CRTAC1: variants seen among roughly 807,000 people sequenced by gnomAD.
The protein encoded by CRTAC1 is acidic secreted protein in cartilage.
Under a neutral mutation model 67.8 loss-of-function variants are expected in CRTAC1, and 37 were observed. The ratio of observed to expected loss-of-function variants is 0.55; its 90% CI spans 0.42 to 0.72. The LOEUF is 0.72. CRTAC1 is among the 30% of genes least tolerant of loss of function. The pLI is 0.00. For synonymous variants in CRTAC1, 348 were observed against 371.0 expected, an observed-to-expected ratio of 0.94 and a Z score of 0.71; for missense variants, 780 against 931.6, an observed-to-expected ratio of 0.84 and a Z score of 2.12.
At chr10:97,937,315 C>T (rs1178160022) in intron 2 of CRTAC1, among the ~76,000 whole-genome samples, 10 of 152,216 alleles carry the variant, frequency 6.6e-5, no homozygotes, top group Non-Finnish European at 5.9e-5. Context: ...ACCTTTGCTC[C>T]CCTGTTCCTT....
chr10:97,867,173 G>A (rs2050037398), intron 14 of CRTAC1: 1 of 152,268 alleles, frequency 6.6e-6, no homozygotes, highest in East Asian at 1.9e-4. Flanking sequence ...AGGCTTTGTA[G>A]GTGAGGTTTC....
At chr10:98,015,185 C>T (rs117055689) in intron 1 of CRTAC1, among the ~76,000 whole-genome samples, 3 of 152,160 alleles carry the variant, frequency 2.0e-5, no homozygotes, top group Admixed American at 2.0e-4. Context: ...GAAAGAAATT[C>T]GGACACAGAG....
chr10:97,950,242 C>G (rs867230491), intron 2 of CRTAC1, among the ~76,000 whole-genome samples: 12,149 of 116,446 alleles, frequency 0.1, 556 homozygotes, highest in Middle Eastern at 0.15. Context: ...TGCACACACA[C>G]ACACAGAGAG....
At chr10:97,947,489 T>C (rs2051283827) in intron 2 of CRTAC1, among the ~76,000 whole-genome samples, 1 of 152,216 alleles carries the variant, frequency 6.6e-6, no homozygotes, top group South Asian at 2.1e-4. Context: ...GTTTAGGGAA[T>C]ACGGGGTAGA....
rs1279101257 is a variant in CRTAC1, at chr10:97,975,524, C to A, written c.224+35614G>T. On this transcript the variant is annotated intron_variant, in intron 2 of 14. Coordinates refer to ENST00000370597, the MANE Select transcript of CRTAC1 (RefSeq NM_018058.7). This position sits in a 1 kb window ranked among gnomAD's most constrained non-coding sequence, Gnocchi z 4.8. ...GCATCCAAGAGCAGAAAGAGGATTA[C>A]CCTGTCGGCATTTTGGCCCAGTCGG... 2.6e-5 allele frequency among the ~76,000 whole-genome samples: 4 copies of A among 152,178 alleles called. No homozygotes were observed. Among genetic ancestry groups the A allele is most frequent in the African/African-American group, 4.8e-5 (2 of 41,454 alleles).
chr10:98,010,465 T>G (rs535250616), intron 2 of CRTAC1, among the ~76,000 whole-genome samples: 1 of 152,176 alleles, frequency 6.6e-6, no homozygotes, highest in South Asian at 2.1e-4. Flanking sequence ...AGATGATATC[T>G]CTGAATGTCA....
At chr10:97,939,953 G>T (rs1213703780) in intron 2 of CRTAC1, among the ~76,000 whole-genome samples, 1 of 152,200 alleles carries the variant, frequency 6.6e-6, no homozygotes, top group African/African-American at 2.4e-5. Context: ...TGCTTCTTGA[G>T]CTCAGGAAGC....
chr10:98,002,761 C>CTGTTTTTTTTTTTT (rs771351655), intron 2 of CRTAC1, among the ~76,000 whole-genome samples: 8 of 37,296 alleles, frequency 2.1e-4, no homozygotes, highest in East Asian at 7.5e-4. Flanking sequence ...ACAAAACTCA[C>CTGTTTTTTTTTTTT]TTTTTTTTTT....
At chr10:97,974,373 G>A (rs567700176) in intron 2 of CRTAC1, among the ~76,000 whole-genome samples, 1 of 152,152 alleles carries the variant, frequency 6.6e-6, no homozygotes, top group Non-Finnish European at 1.5e-5. Context: ...CGAAGTCTGA[G>A]GTTCACGTGC....
chr10:97,914,045 A>G (rs760595722), intron 5 of CRTAC1, among the ~76,000 whole-genome samples: 12 of 152,324 alleles, frequency 7.9e-5, no homozygotes, highest in Non-Finnish European at 1.3e-4. Context: ...GGCTTCTTTA[A>G]TCACCACCTT....
chr10:97,985,606 G>A (rs1465329803), intron 2 of CRTAC1, among the ~76,000 whole-genome samples: 1 of 152,112 alleles, frequency 6.6e-6, no homozygotes, highest in Non-Finnish European at 1.5e-5. Context: ...GATGAGCCGG[G>A]GCATGCATGA....
chr10:97,919,473 T>C (rs1455050825), intron 4 of CRTAC1, among the ~76,000 whole-genome samples: 1 of 152,048 alleles, frequency 6.6e-6, no homozygotes, highest in Non-Finnish European at 1.5e-5. Context: ...AGGCAGAGAG[T>C]GTCAAGGGAT....
chr10:97,904,824 A>G lies in CRTAC1; in HGVS notation c.851-10T>C. The G allele has an allele frequency of 6.3e-7, 1 of 1,589,786 alleles. No individual in the cohort carries two copies. Among genetic ancestry groups the G allele is most frequent in the Non-Finnish European group, 8.5e-7 (1 of 1,170,842 alleles). Reference sequence around the variant, plus strand: ...TGGGGGTCGTCCACACCTGGGGAGGAGAGGCAGGAACTCTCAGGGCGGCAT... The same window carrying G: ...TGGGGGTCGTCCACACCTGGGGAGGGGAGGCAGGAACTCTCAGGGCGGCAT... On this transcript the variant is annotated splice_polypyrimidine_tract_variant and intron_variant, in intron 6 of 14. Transcript: ENST00000370597.
chr10:97,935,570 G>A (rs183132264), intron 3 of CRTAC1, among the ~76,000 whole-genome samples: 81 of 152,202 alleles, frequency 5.3e-4, no homozygotes, highest in African/African-American at 1.8e-3. Flanking sequence ...ACTTCAGTTC[G>A]GGAAGCTCCT....
Position 97,896,896 on chromosome 10 carries a change from A to T in CRTAC1, c.1216+13T>A, listed in dbSNP as rs773958238. On this transcript the variant is annotated intron_variant, in intron 9 of 14. Transcript: ENST00000370597. Reference sequence around the variant, plus strand: ...GGGGGCAGTGCAGGCCAGATCCCCCAGGTGCCCCTCACCTGTGCCCCGGCC... The same window carrying T: ...GGGGGCAGTGCAGGCCAGATCCCCCTGGTGCCCCTCACCTGTGCCCCGGCC... 2 of 1,285,832 alleles carry T rather than the reference A, an allele frequency of 1.6e-6. No individual in the cohort carries two copies. The highest frequency in any genetic ancestry group is 2.5e-5 in the South Asian group (2 of 80,018). 79.7% of individuals were successfully genotyped at this position (1,285,832 alleles called of 1,614,324 possible). A position where few individuals can be genotyped will look rare whatever the true frequency, so the allele number is the denominator to read the frequency against.
chr10:97,955,109 A>G (rs950436647), intron 2 of CRTAC1, among the ~76,000 whole-genome samples: 1 of 152,188 alleles, frequency 6.6e-6, no homozygotes, highest in Non-Finnish European at 1.5e-5. Flanking sequence ...CAGCTCACTG[A>G]ATCTTCCCAA....
chr10:97,907,171 C>T lies in CRTAC1; in HGVS notation c.850+842G>A, dbSNP rs543434370. Among the ~76,000 whole-genome samples the T allele has an allele frequency of 2.4e-4, 37 of 152,322 alleles. No homozygotes were observed. In the East Asian group the frequency reaches 2.9e-3, roughly 12 times the overall value. The stretch of plus-strand genomic sequence containing the variant: ...GTCAAGAATGAATAGAACCGTGACC[C>T]GGTCCTTGTAAAGCTCATAGACAAA... On this transcript the variant is annotated intron_variant, in intron 6 of 14. Coordinates refer to ENST00000370597, the MANE Select transcript of CRTAC1 (RefSeq NM_018058.7).
chr10:98,012,256 T>C (rs1387012774), intron 1 of CRTAC1, among the ~76,000 whole-genome samples: 2 of 152,176 alleles, frequency 1.3e-5, no homozygotes, highest in Non-Finnish European at 2.9e-5. Context: ...CATGGGAGCC[T>C]GTGGCACACA....
At chr10:97,902,126 TA>T (rs1468162038) in intron 7 of CRTAC1, among the ~76,000 whole-genome samples, 22 of 152,356 alleles carry the variant, frequency 1.4e-4, no homozygotes, top group African/African-American at 4.8e-4. Flanking sequence ...TCTGTGCATC[TA>T]AATCCAGGCT....
Sources: gnomAD v4.1 joint callset for allele counts (sites outside exome capture counted in the v4.1 genomes callset) on GRCh38, gnomAD v4.1.1 for gene constraint, Gnocchi (gnomAD v3.1) non-coding constraint, MANE v1.5 for transcripts, NCBI Gene and HGNC (gene_info 2026-07-23, HGNC 2026-07-21) for gene names.